The following MPP7 variants were observed in gnomAD, a reference collection of about 807,000 sequenced individuals.
MPP7 encodes MAGUK p55 subfamily member 7.
A neutral mutation model predicts 76.5 loss-of-function variants in MPP7; 60 were observed. The ratio of observed to expected loss-of-function variants is 0.78; its 90% confidence interval spans 0.64 to 0.97. The LOEUF is 0.97. Among genes scored for constraint, MPP7 ranks in the 50% least tolerant of loss-of-function variants. The pLI is 0.00. For synonymous variants in MPP7, 237 were observed against 244.5 expected, an observed-to-expected ratio of 0.97 and a Z score of 0.29; for missense variants, 641 against 694.0, an observed-to-expected ratio of 0.92 and a Z score of 0.86.
chr10:28,134,219 T>A (rs773244292), intron 5 of MPP7, among the ~76,000 whole-genome samples: 1 of 152,140 alleles, frequency 6.6e-6, no homozygotes, highest in Non-Finnish European at 1.5e-5. Context: ...CCATTCCAAG[T>A]GTATAGCGGT....
chr10:28,229,750 G>A (rs1027588666), intron 2 of MPP7, among the ~76,000 whole-genome samples: 2 of 151,986 alleles, frequency 1.3e-5, no homozygotes, highest in Middle Eastern at 3.2e-3. Context: ...TTAGCCAGGC[G>A]TGGTGGCAGG....
chr10:28,135,999 G>A (rs543142619), intron 5 of MPP7, among the ~76,000 whole-genome samples: 3 of 151,944 alleles, frequency 2.0e-5, no homozygotes, highest in Non-Finnish European at 4.4e-5. Flanking sequence ...ATTACCACCT[G>A]AGCTCTGCCT....
At chr10:28,298,792 T>C (rs758612693) in intron 1 of MPP7, among the ~76,000 whole-genome samples, 21 of 152,344 alleles carry the variant, frequency 1.4e-4, no homozygotes, top group Non-Finnish European at 2.8e-4. Flanking sequence ...GCCACCTTCA[T>C]CAGTGATCTT....
intron 2 of MPP7, among the ~76,000 whole-genome samples, chr10:28,313,053 G>C (rs1028893177): frequency 7.2e-5 from 11 of 152,130 alleles, no homozygotes; most frequent in Non-Finnish European, 1.5e-4. Flanking sequence ...TTTAGAAGAT[G>C]GGACTCTTTC....
intron 2 of MPP7, among the ~76,000 whole-genome samples, chr10:28,228,515 C>G (rs1305777033): frequency 6.6e-6 from 1 of 152,146 alleles, no homozygotes; most frequent in Non-Finnish European, 1.5e-5. Context: ...CCTGTAATCC[C>G]AGCACTTTGG....
intron 11 of MPP7, among the ~76,000 whole-genome samples, chr10:28,103,427 T>TTG (rs1853928675): frequency 6.6e-6 from 1 of 152,184 alleles, no homozygotes; most frequent in Non-Finnish European, 1.5e-5. Flanking sequence ...TTGCACATGC[T>TTG]TGTACCACTG....
intron 10 of MPP7, among the ~76,000 whole-genome samples, 194 bp from the exon 11 acceptor site, chr10:28,119,909 A>C (rs1399614578): frequency 6.6e-6 from 1 of 151,912 alleles, no homozygotes; most frequent in Non-Finnish European, 1.5e-5. Flanking sequence ...CTCCAAAACC[A>C]CTGGTCTTTT....
At chr10:28,301,780 T>C (rs1641135264) in intron 1 of MPP7, among the ~76,000 whole-genome samples, 1 of 152,098 alleles carries the variant, frequency 6.6e-6, no homozygotes, top group African/African-American at 2.4e-5. Flanking sequence ...GGAAATACTG[T>C]TTTTATAGAA....
intron 5 of MPP7, among the ~76,000 whole-genome samples, chr10:28,134,543 G>C (rs1339179028): frequency 6.6e-6 from 1 of 151,728 alleles, no homozygotes; most frequent in Admixed American, 6.6e-5. Context: ...TTCCTTTGTG[G>C]TTCATGCTTT....
intron 2 of MPP7, among the ~76,000 whole-genome samples, chr10:28,207,969 G>A (rs10826420): frequency 0.17 from 25,258 of 152,080 alleles, 2,574 homozygotes; most frequent in East Asian, 0.5. Context: ...GGAGACAGGA[G>A]CTCTGCAGTA....
At chr10:28,285,996 G>T (rs115576977) in intron 1 of MPP7, among the ~76,000 whole-genome samples, 1,636 of 152,238 alleles carry the variant, frequency 0.011, 20 homozygotes, top group African/African-American at 0.038. Context: ...CTTATTTATT[G>T]TGTAAGACAA....
At chr10:28,114,692 G>A (rs2801850) in intron 11 of MPP7, among the ~76,000 whole-genome samples, 1 of 152,114 alleles carries the variant, frequency 6.6e-6, no homozygotes, top group Non-Finnish European at 1.5e-5. Context: ...ACCGCAATCC[G>A]TCCTAAAAGT....
intron 2 of MPP7, among the ~76,000 whole-genome samples, chr10:28,212,427 T>C (rs7081654): frequency 0.17 from 25,503 of 152,160 alleles, 2,266 homozygotes; most frequent in Middle Eastern, 0.22. Context: ...AATGGGGAAG[T>C]TCAGCCTTAG....
Position 28,324,733 on chromosome 10 carries a change from T to C in MPP7, c.-132+5196A>G, listed in dbSNP as rs184649307. On this transcript the variant is annotated intron_variant, in intron 2 of 11. Transcript: ENST00000441595. ...ACTTTGAAAAACTGATGAGCATAGA[T>C]GTAATTAATTTTTCCTATTCAAGTT... Among the ~76,000 whole-genome samples, 291 of 152,276 alleles carry C rather than the reference T, an allele frequency of 1.9e-3. 1 individual carries two copies. Among genetic ancestry groups the C allele is most frequent in the African/African-American group, 6.7e-3 (277 of 41,548 alleles).
At chr10:28,182,131 G>T (rs1837078280) in intron 3 of MPP7, among the ~76,000 whole-genome samples, 1 of 151,852 alleles carries the variant, frequency 6.6e-6, no homozygotes, top group South Asian at 2.1e-4. Flanking sequence ...TCCAGCATCA[G>T]AATGTACAAA....
At chr10:28,221,204 G>A (rs7081371) in intron 2 of MPP7, among the ~76,000 whole-genome samples, 26,351 of 151,934 alleles carry the variant, frequency 0.17, 2,592 homozygotes, top group African/African-American at 0.26. Flanking sequence ...AGCTGTAAAC[G>A]TTTTTTCTTT....
At chr10:28,274,779 C>G (rs77559760) in intron 1 of MPP7, among the ~76,000 whole-genome samples, 1 of 152,152 alleles carries the variant, frequency 6.6e-6, no homozygotes, top group South Asian at 2.1e-4. Context: ...TGAAAATAAA[C>G]TCTTCATCAC....
rs377175978 is a variant in MPP7, at chr10:28,057,940, T to TC, written c.1407+554dup. 11 of 1,092,488 alleles carry TC rather than the reference T, an allele frequency of 1.0e-5. No homozygotes were observed. The African/African-American group carries it at 1.9e-4, about 19-fold the overall frequency. The allele number at this position is 1,092,488 out of a possible 1,614,324, so 67.7% of individuals were successfully genotyped here. On this transcript the variant is annotated intron_variant, in intron 15 of 16. Transcript: ENST00000683449. ...TGAATGGCCTCATCCACTGAAGTTC[T>TC]CAGTTCAGAATGTTCATAATGGAGT...
At chr10:28,304,906 A>C (rs1013574023), upstream of MPP7, among the ~76,000 whole-genome samples, 1 of 152,102 alleles carries the variant, frequency 6.6e-6, no homozygotes, top group Non-Finnish European at 1.5e-5. Flanking sequence ...TCTACTAAGC[A>C]CTCAGAGTAT....
Sources: gnomAD v4.1 joint callset for allele counts (sites outside exome capture counted in the v4.1 genomes callset) on GRCh38, gnomAD v4.1.1 for gene constraint, MANE v1.5 for transcripts, NCBI Gene and HGNC (gene_info 2026-07-23, HGNC 2026-07-21) for gene names.